Variants in ETV4 observed in about 807,000 individuals in gnomAD.
ETV4 encodes ETS translocation variant 4.
Under a neutral mutation model 65.9 loss-of-function variants are expected in ETV4, and 42 were observed. That is an observed-to-expected ratio of 0.64 (90% CI 0.50 to 0.82). The LOEUF (loss-of-function observed/expected upper bound fraction) is 0.82. Among genes scored for constraint, ETV4 ranks in the 40% least tolerant of loss-of-function variants. ETV4 has a pLI of 0.00. For synonymous variants in ETV4, 238 were observed against 260.0 expected, an observed-to-expected ratio of 0.92 and a Z score of 0.81; for missense variants, 583 against 630.3, an observed-to-expected ratio of 0.92 and a Z score of 0.80.
chr17:43,534,715 G>A (rs973989327), intron 5 of ETV4, among the ~76,000 whole-genome samples: 9 of 151,966 alleles, frequency 5.9e-5, no homozygotes, highest in Non-Finnish European at 1.0e-4. Flanking sequence ...CGAGGCGGGC[G>A]GATCACCTGA....
chr17:43,528,565 G>C lies in ETV4; in HGVS notation c.1409C>G (p.Ala470Gly). Residue 470 changes from alanine to glycine, a missense_variant, in exon 13 of 13, where the codon GCT (alanine) becomes GGT (glycine). Ala to Gly is a moderately conservative substitution (Grantham distance 60, BLOSUM62 0). Coordinates refer to ENST00000319349, the MANE Select transcript of ETV4 (RefSeq NM_001079675.5). ...DESPAYLPELAGPAQPFGPKG... is the reference protein window; with the variant it reads ...DESPAYLPELGGPAQPFGPKG... ...GGGGCCAAATGGCTGGGCGGGGCCA[G>C]CCAGCTCTGGGAGGTAGGCGGGGCT... 1 of 1,613,658 alleles carries C rather than the reference G, an allele frequency of 6.2e-7. No individual in the cohort carries two copies.
At chr17:43,545,161 T>C in intron 3 of ETV4, 113 bp downstream of exon 3, 1 of 1,279,830 alleles carries the variant, frequency 7.8e-7, no homozygotes, top group East Asian at 2.4e-5. Context: ...GGGCGAGTTT[T>C]TTGGGGAAAC....
intron 4 of ETV4, among the ~76,000 whole-genome samples, chr17:43,543,276 A>ACACTCTCTCTCT (rs1555559953): frequency 4.3e-5 from 6 of 138,258 alleles, no homozygotes; most frequent in African/African-American, 1.4e-4. Flanking sequence ...ACACACACAC[A>ACACTCTCTCTCT]CTCTCTCTCT....
chr17:43,536,166 A>C (rs1971233665), intron 5 of ETV4: 1 of 496,276 alleles, frequency 2.0e-6, no homozygotes, highest in Non-Finnish European at 3.6e-6. Flanking sequence ...ACTCTGCTGA[A>C]CTGGCCCAGG....
chr17:43,537,934 C>A (rs536562661), intron 4 of ETV4, among the ~76,000 whole-genome samples: 1 of 152,166 alleles, frequency 6.6e-6, no homozygotes, highest in Admixed American at 6.5e-5. Flanking sequence ...CAGGACCATC[C>A]TGGCTAACAC....
chr17:43,530,164 A>G lies in ETV4; in HGVS notation c.829T>C (p.Ser277Pro). The G allele has an allele frequency of 6.4e-7, 1 of 1,557,560 alleles. No individual in the cohort carries two copies. The highest frequency in any genetic ancestry group is 1.4e-5 in the African/African-American group (1 of 73,254). The change falls in exon 9 of 13, where the codon TCA becomes CCA. Residue 277 changes from serine (S) to proline (P), a missense_variant. Physicochemically the swap from Ser to Pro is moderately conservative, Grantham distance 74. Coordinates refer to ENST00000319349, the MANE Select transcript of ETV4 (RefSeq NM_001079675.5). ...AAGCCCTCTGTGTGGAGGTACATTG[A>G]TGCGCACCCGGTGACATCTGTGGGG... Reference protein sequence around the residue: ...AYDSDVTGCASMYLHTEGFSG... With the variant: ...AYDSDVTGCAPMYLHTEGFSG...
rs760728982 is a variant in ETV4 at position 43,533,367 on chromosome 17, CAG to C, written c.384-21_384-20del. 49 of 1,605,048 alleles carry C rather than the reference CAG, an allele frequency of 3.1e-5. No homozygotes were observed. Among genetic ancestry groups the C allele is most frequent in the South Asian group, 1.5e-4 (14 of 90,796 alleles). On this transcript the variant is annotated intron_variant, in intron 6 of 12. Coordinates refer to ENST00000319349, the MANE Select transcript of ETV4 (RefSeq NM_001079675.5). The stretch of plus-strand genomic sequence containing the variant: ...ATAGGCACTGGAGTTGAGAAGGAGA[CAG>C]GGGTGAGGGGGCAGAGAAGCTGGAA...
chr17:43,536,868 A>G (rs1268046899), intron 4 of ETV4, among the ~76,000 whole-genome samples: 1 of 152,174 alleles, frequency 6.6e-6, no homozygotes, highest in East Asian at 1.9e-4. Flanking sequence ...CTCCACTAAG[A>G]CCCAGGAGGG....
intron 4 of ETV4, among the ~76,000 whole-genome samples, chr17:43,541,650 A>C (rs1971528144): frequency 6.6e-6 from 1 of 152,104 alleles, no homozygotes; most frequent in Non-Finnish European, 1.5e-5. Context: ...CCCACACTAC[A>C]TATGCTCGGT....
chr17:43,530,291 C>G, intron 8 of ETV4, 110 bp from the exon 9 acceptor site: 2 of 1,515,162 alleles, frequency 1.3e-6, no homozygotes, highest in Non-Finnish European at 1.8e-6. Flanking sequence ...AGCCTGCTTC[C>G]TGGTGACTGT....
Position 43,528,989 on chromosome 17 carries a change from G to A in ETV4, c.1230+146C>T, listed in dbSNP as rs1970737303. On this transcript the variant is annotated intron_variant, in intron 12 of 12. Transcript: ENST00000319349. Reference sequence around the variant, plus strand: ...ACTTTTTTGGGGGAGGAGAACCTTGGGATTCTCCACAATTTCTTGTCTCTC... The same window carrying A: ...ACTTTTTTGGGGGAGGAGAACCTTGAGATTCTCCACAATTTCTTGTCTCTC... 3 of 848,052 alleles carry A rather than the reference G, an allele frequency of 3.5e-6. No individual in the cohort carries two copies. In the Admixed American group the frequency reaches 6.2e-5, roughly 18 times the overall value. 52.5% of individuals were successfully genotyped at this position (848,052 alleles called of 1,614,324 possible).
At chr17:43,537,500 C>T (rs1971306092) in intron 4 of ETV4, among the ~76,000 whole-genome samples, 1 of 149,128 alleles carries the variant, frequency 6.7e-6, no homozygotes, top group African/African-American at 2.5e-5. Context: ...TTGAGACCAG[C>T]CTGGCCAACA....
chr17:43,545,230 T>C (rs1567718050), intron 3 of ETV4, 44 bp downstream of exon 3: 1 of 1,182,006 alleles, frequency 8.5e-7, no homozygotes, highest in Admixed American at 1.9e-5. Flanking sequence ...TGTGTGTGTG[T>C]GTGTGGCGGA....
At chr17:43,538,496 G>A (rs997972936) in intron 4 of ETV4, among the ~76,000 whole-genome samples, 2 of 152,162 alleles carry the variant, frequency 1.3e-5, no homozygotes, top group African/African-American at 2.4e-5. Flanking sequence ...GCCAGGATGG[G>A]TGGAGCTGGG....
At chr17:43,532,631 A>T in intron 8 of ETV4, 43 bp downstream of exon 8, 5 of 1,559,852 alleles carry the variant, frequency 3.2e-6, no homozygotes, top group Non-Finnish European at 4.4e-6. Flanking sequence ...GGCTTAACTG[A>T]ACACTTGATC....
At position 43,545,572 on chromosome 17, in the gene ETV4, AGG is replaced by A. The variant is rs1643586645; in HGVS notation, c.44_45del (p.Pro15LeufsTer36). 1 of 1,550,066 alleles carries A rather than the reference AGG, an allele frequency of 6.5e-7. No homozygotes were observed. The highest frequency in any genetic ancestry group is 8.7e-7 in the Non-Finnish European group (1 of 1,146,682). On this transcript the variant is annotated frameshift_variant, in exon 2 of 13. Transcript: ENST00000319349. LOFTEE classifies it high-confidence loss of function. ...MKAGYLDQQV[P>X]YTFSSKSPGN... ...GCGGCGCTCACGCTGCTGAAGGTGT[AGG>A]GCACTTGCTGGTCCAAGTATCCGGC...
At chr17:43,540,789 G>A (rs1429153947) in intron 4 of ETV4, among the ~76,000 whole-genome samples, 2 of 152,130 alleles carry the variant, frequency 1.3e-5, no homozygotes, top group Non-Finnish European at 2.9e-5. Context: ...CATCCCCCAA[G>A]GTGGCAGGAA....
intron 5 of ETV4, among the ~76,000 whole-genome samples, chr17:43,535,344 C>T (rs780074591): frequency 1.3e-5 from 2 of 152,172 alleles, no homozygotes; most frequent in Non-Finnish European, 2.9e-5. Flanking sequence ...GTGGCTCAAT[C>T]TTGCCTCACT....
chr17:43,545,605 T>A lies in ETV4; in HGVS notation c.13A>T (p.Met5Leu). 1.3e-6 allele frequency: 2 copies of A among 1,550,640 alleles called. No individual in the cohort carries two copies. Among genetic ancestry groups the A allele is most frequent in the Non-Finnish European group, 1.7e-6 (2 of 1,146,916 alleles). The change falls in exon 2 of 13, where the codon ATG becomes TTG. Residue 5 changes from methionine to leucine, a missense_variant. Coordinates refer to ENST00000319349, the MANE Select transcript of ETV4 (RefSeq NM_001079675.5). ...TGCTGGTCCAAGTATCCGGCTTTCA[T>A]CCTCCGCTCCATCCGGCCGCTCCCT... MERR[M>L]KAGYLDQQVP... is the part of the protein sequence containing the mutation.
Sources: allele counts gnomAD v4.1 joint callset (sites outside exome capture counted in the v4.1 genomes callset), GRCh38; gene constraint gnomAD v4.1.1; transcripts MANE v1.5; gene names NCBI Gene and HGNC (gene_info 2026-07-23, HGNC 2026-07-21).